Variants in RABL3 observed in about 807,000 individuals in gnomAD.
RABL3 encodes rab-like protein 3.
Under a neutral mutation model 31.8 loss-of-function variants are expected in RABL3, and 31 were observed. The ratio of observed to expected loss-of-function variants is 0.97; its 90% CI spans 0.73 to 1.31. The LOEUF is 1.31. Ranked by LOEUF, RABL3 falls within the 40% of genes most tolerant of loss-of-function variation. The pLI is 0.00. For synonymous variants in RABL3, 97 were observed against 99.9 expected (o/e 0.97, Z 0.18); for missense variants, 263 against 279.6 (o/e 0.94, Z 0.42).
At chr3:120,700,466 A>G (rs1182443038) in intron 4 of RABL3, among the ~76,000 whole-genome samples, 1 of 152,110 alleles carries the variant, frequency 6.6e-6, no homozygotes, top group Non-Finnish European at 1.5e-5. Flanking sequence ...GGTTGGAAAA[A>G]AAACAACCAA....
At chr3:120,701,217 T>C (rs763509545) in intron 4 of RABL3, among the ~76,000 whole-genome samples, 11 of 152,164 alleles carry the variant, frequency 7.2e-5, no homozygotes, top group Non-Finnish European at 1.2e-4. Context: ...TTTTAGTTCA[T>C]AGAGATCTTC....
intron 5 of RABL3, among the ~76,000 whole-genome samples, chr3:120,698,195 T>G (rs903157667): frequency 6.6e-6 from 1 of 152,148 alleles, no homozygotes; most frequent in African/African-American, 2.4e-5. Flanking sequence ...AAATTATTCA[T>G]AGAATAAAGT....
intron 2 of RABL3, among the ~76,000 whole-genome samples, chr3:120,729,663 A>C (rs2107594638): frequency 6.6e-6 from 1 of 152,276 alleles, no homozygotes; most frequent in Admixed American, 6.5e-5. Context: ...GGTACTTGGA[A>C]TGAAAAACTG....
chr3:120,691,298 C>T (rs1279308639), intron 6 of RABL3, among the ~76,000 whole-genome samples: 1 of 152,146 alleles, frequency 6.6e-6, no homozygotes, highest in South Asian at 2.1e-4. Flanking sequence ...ACTTGAGAAA[C>T]TGCAATGGTT....
At chr3:120,724,006 A>G (rs956862308) in intron 2 of RABL3, among the ~76,000 whole-genome samples, 4 of 152,114 alleles carry the variant, frequency 2.6e-5, no homozygotes, top group African/African-American at 9.7e-5. Context: ...AGGAAGTCAA[A>G]TTGTCCCTGT....
chr3:120,732,148 A>T (rs887459150), intron 1 of RABL3, among the ~76,000 whole-genome samples: 1 of 152,232 alleles, frequency 6.6e-6, no homozygotes, highest in Non-Finnish European at 1.5e-5. Context: ...GGTTATTGTG[A>T]TTATATACAC....
chr3:120,729,799 C>T (rs778588059), intron 2 of RABL3, among the ~76,000 whole-genome samples: 6 of 151,710 alleles, frequency 4.0e-5, no homozygotes, highest in Non-Finnish European at 8.8e-5. Context: ...GAACAAAAAT[C>T]TCATAGAAAG....
At chr3:120,730,663 T>C (rs1708871346) in intron 2 of RABL3, 33 bp downstream of exon 2, 1 of 1,399,786 alleles carries the variant, frequency 7.1e-7, no homozygotes, top group Admixed American at 1.8e-5. Context: ...CTTTAGTACA[T>C]TATTGAAAAA....
intron 2 of RABL3, chr3:120,722,094 A>G (rs1030540419): frequency 8.5e-5 from 13 of 152,212 alleles, no homozygotes; most frequent in Admixed American, 7.9e-4. Flanking sequence ...CCCCGATGTT[A>G]TTCTGACTAC....
At position 120,737,966 on chromosome 3, in the gene RABL3, C is replaced by T. The variant is rs184120140; in HGVS notation, c.46+4496G>A. Among the ~76,000 whole-genome samples, 492 of 152,328 alleles carry T rather than the reference C, an allele frequency of 3.2e-3. 3 individuals carry two copies. Among genetic ancestry groups the T allele is most frequent in the Non-Finnish European group, 5.7e-3 (386 of 68,016 alleles). On this transcript the variant is annotated intron_variant, in intron 1 of 7. Coordinates refer to ENST00000273375, the MANE Select transcript of RABL3 (RefSeq NM_173825.5). ...GAGGGTGCCTCCCAGTTAGGCTACT[C>T]GGGGGTCAGGGACCCACTTGAGGGG...
rs556424828 is a variant in RABL3, at chr3:120,723,125, G to A, written c.138+7571C>T. On this transcript the variant is annotated intron_variant, in intron 2 of 7. Transcript: ENST00000273375. ...AAATGATAAAGGGGATATCACCACCGATCCCACAGAAATACAAACTACCAT... is the reference window on the plus strand; with the variant it reads ...AAATGATAAAGGGGATATCACCACCAATCCCACAGAAATACAAACTACCAT... Among the ~76,000 whole-genome samples, 10 of 152,196 alleles carry A rather than the reference G, an allele frequency of 6.6e-5. No homozygotes were observed. In the East Asian group the frequency reaches 1.4e-3, roughly 21 times the overall value.
At chr3:120,726,988 G>C (rs1708829000) in intron 2 of RABL3, among the ~76,000 whole-genome samples, 1 of 151,916 alleles carries the variant, frequency 6.6e-6, no homozygotes, top group Admixed American at 6.6e-5. Context: ...ACAATAGTTT[G>C]AACTGAATAA....
intron 2 of RABL3, among the ~76,000 whole-genome samples, chr3:120,725,559 A>G (rs1350229197): frequency 6.6e-6 from 1 of 152,248 alleles, no homozygotes; most frequent in Non-Finnish European, 1.5e-5. Context: ...AATGTCCATC[A>G]ATGGTAGAGT....
chr3:120,703,461 C>T (rs1708515766), intron 4 of RABL3, among the ~76,000 whole-genome samples: 1 of 151,892 alleles, frequency 6.6e-6, no homozygotes, highest in Non-Finnish European at 1.5e-5. Context: ...AAATTTATAG[C>T]ATTAAAATAC....
intron 1 of RABL3, among the ~76,000 whole-genome samples, chr3:120,736,153 C>G (rs1708960310): frequency 6.6e-6 from 1 of 152,156 alleles, no homozygotes; most frequent in Non-Finnish European, 1.5e-5. Context: ...GTGTTAAAGT[C>G]TCCCATTTTT....
At chr3:120,717,379 C>A (rs1287518475) in intron 2 of RABL3, among the ~76,000 whole-genome samples, 1 of 151,814 alleles carries the variant, frequency 6.6e-6, no homozygotes, top group African/African-American at 2.4e-5. Context: ...CACAATAACA[C>A]AATTCAGGTA....
At chr3:120,727,644 A>C (rs1708838197) in intron 2 of RABL3, among the ~76,000 whole-genome samples, 1 of 152,184 alleles carries the variant, frequency 6.6e-6, no homozygotes. Context: ...AGATTACAAG[A>C]AAAGAAAATG....
chr3:120,716,025 T>C (rs1215450134), intron 2 of RABL3, among the ~76,000 whole-genome samples: 6 of 152,232 alleles, frequency 3.9e-5, no homozygotes, highest in African/African-American at 1.4e-4. Flanking sequence ...CTCATATGCT[T>C]AGTGAAGATA....
chr3:120,709,981 A>G, intron 2 of RABL3, 72 bp from the exon 3 acceptor site: 1 of 1,134,946 alleles, frequency 8.8e-7, no homozygotes, highest in Non-Finnish European at 1.3e-6. Flanking sequence ...ATTCCGGTTT[A>G]AAGCATTTCA....
Sources: allele counts gnomAD v4.1 joint callset (sites outside exome capture counted in the v4.1 genomes callset), GRCh38; gene constraint gnomAD v4.1.1; transcripts MANE v1.5; gene names NCBI Gene and HGNC (gene_info 2026-07-23, HGNC 2026-07-21).